Variants in CA5B observed in about 807,000 individuals in gnomAD.
CA5B encodes carbonic anhydrase 5B, mitochondrial.
A neutral mutation model predicts 23.1 loss-of-function variants in CA5B; 15 were observed. The ratio of observed to expected loss-of-function variants is 0.65; its 90% CI spans 0.43 to 1.00. The LOEUF is 1.00. Ranked by LOEUF, CA5B falls within the 50% of genes least tolerant of loss-of-function variation. CA5B has a pLI of 0.00. For synonymous variants in CA5B, 84 were observed against 98.5 expected (o/e 0.85, Z 0.87); for missense variants, 236 against 252.2 (o/e 0.94, Z 0.43).
At chrX:15,746,022 C>CT (rs11304971) in intron 1 of CA5B, among the ~76,000 whole-genome samples, 3,791 of 53,251 alleles carry the variant, frequency 0.071, 214 homozygotes, top group Non-Finnish European at 0.098. Context: ...GCGTCAACTT[C>CT]TTTTTTTTTT....
intron 7 of CA5B, among the ~76,000 whole-genome samples, chrX:15,778,119 T>C (rs1268587142): frequency 8.9e-6 from 1 of 111,778 alleles, no homozygotes; most frequent in Non-Finnish European, 1.9e-5. Flanking sequence ...CTATTTATAA[T>C]GGAAACAAAA....
intron 7 of CA5B, among the ~76,000 whole-genome samples, chrX:15,782,179 C>T (rs939180484): frequency 1.8e-5 from 2 of 111,897 alleles, no homozygotes; most frequent in African/African-American, 6.5e-5. Context: ...TGAATTAACT[C>T]ATCCTTGGTA....
At chrX:15,739,048 T>TG (rs995923917) in intron 1 of CA5B, among the ~76,000 whole-genome samples, 4 of 112,497 alleles carry the variant, frequency 3.6e-5, no homozygotes, top group Middle Eastern at 4.2e-3. Context: ...TCGTGATTCT[T>TG]GTGGCATTCA....
chrX:15,739,885 G>T (rs1218800330), intron 1 of CA5B, among the ~76,000 whole-genome samples: 1 of 111,791 alleles, frequency 8.9e-6, no homozygotes, highest in Non-Finnish European at 1.9e-5. Context: ...GTTGCCTTTT[G>T]AAATCAGGTG....
At chrX:15,772,192 A>G (rs988441945) in intron 3 of CA5B, among the ~76,000 whole-genome samples, 11 of 112,309 alleles carry the variant, frequency 9.8e-5, no homozygotes, top group African/African-American at 3.6e-4. Context: ...GCTGAGAGAA[A>G]TTTGCATTTT....
intron 2 of CA5B, among the ~76,000 whole-genome samples, chrX:15,752,497 G>A (rs901033252): frequency 3.6e-5 from 4 of 110,579 alleles, no homozygotes; most frequent in Non-Finnish European, 5.7e-5. Context: ...AGGCCGAGGC[G>A]GGCGGATCAC....
intron 7 of CA5B, among the ~76,000 whole-genome samples, chrX:15,778,507 A>G (rs1399457257): frequency 8.9e-6 from 1 of 112,036 alleles, no homozygotes; most frequent in Non-Finnish European, 1.9e-5. Flanking sequence ...GGATAAAGAG[A>G]TCAATCAAGG....
chrX:15,753,706 C>T (rs1427204630), intron 2 of CA5B, among the ~76,000 whole-genome samples: 1 of 112,002 alleles, frequency 8.9e-6, no homozygotes, highest in Admixed American at 9.4e-5. Flanking sequence ...GTCAGGAGTT[C>T]GAGATCAGCC....
At chrX:15,759,731 C>T (rs973000264) in intron 2 of CA5B, among the ~76,000 whole-genome samples, 3 of 83,913 alleles carry the variant, frequency 3.6e-5, no homozygotes, top group African/African-American at 1.5e-4. Context: ...AAATTACTGA[C>T]ACCTTTTTTT....
chrX:15,752,069 T>C (rs1159348221), intron 2 of CA5B, among the ~76,000 whole-genome samples: 5 of 111,755 alleles, frequency 4.5e-5, no homozygotes, highest in Non-Finnish European at 9.4e-5. Context: ...CCTCAAGAGG[T>C]CCTGAGAACA....
At chrX:15,756,283 G>A (rs1256615625) in intron 2 of CA5B, among the ~76,000 whole-genome samples, 1 of 112,344 alleles carries the variant, frequency 8.9e-6, no homozygotes, top group African/African-American at 3.2e-5. Context: ...GAGAGCCTTG[G>A]TATCAATTTG....
At chrX:15,742,949 C>T (rs1322973753) in intron 1 of CA5B, among the ~76,000 whole-genome samples, 1 of 112,364 alleles carries the variant, frequency 8.9e-6, no homozygotes, top group Non-Finnish European at 1.9e-5. Context: ...TCCCCCACAA[C>T]CAAGAGTCAT....
chrX:15,773,197 A>G (rs1209134146), intron 4 of CA5B, among the ~76,000 whole-genome samples: 1 of 111,180 alleles, frequency 9.0e-6, no homozygotes, highest in Non-Finnish European at 1.9e-5. Flanking sequence ...TCCTAATTCA[A>G]TTGTAAATGT....
At chrX:15,743,166 G>C (rs1465150674) in intron 1 of CA5B, among the ~76,000 whole-genome samples, 1 of 112,416 alleles carries the variant, frequency 8.9e-6, no homozygotes, top group Non-Finnish European at 1.9e-5. Flanking sequence ...CAGGATCTTT[G>C]CCCAGGCAGT....
chrX:15,776,208 G>A (rs756547369), intron 6 of CA5B: 163 of 132,294 alleles, frequency 1.2e-3, no homozygotes, highest in African/African-American at 4.0e-3. Context: ...GCATGGTGGC[G>A]GGCGCCTGTA....
At chrX:15,780,285 T>A (rs1931997913) in intron 7 of CA5B, among the ~76,000 whole-genome samples, 1 of 110,339 alleles carries the variant, frequency 9.1e-6, no homozygotes, top group Admixed American at 9.7e-5. Context: ...ACATTTTTTT[T>A]TTTTTTTAAG....
intron 3 of CA5B, 122 bp downstream of exon 3, chrX:15,764,897 T>C (rs1319361345): frequency 1.5e-5 from 16 of 1,081,475 alleles, no homozygotes; most frequent in Non-Finnish European, 2.0e-5. Flanking sequence ...ATGGAACTCA[T>C]TGATCTTAAC....
intron 6 of CA5B, 67 bp downstream of exon 6, chrX:15,775,375 A>G: frequency 8.9e-7 from 1 of 1,127,936 alleles, no homozygotes; most frequent in East Asian, 3.1e-5. Flanking sequence ...CGGAGACATT[A>G]CCAAGGCACT....
At chrX:15,771,058 G>A (rs1285546299) in intron 3 of CA5B, among the ~76,000 whole-genome samples, 4 of 106,641 alleles carry the variant, frequency 3.8e-5, no homozygotes, top group Non-Finnish European at 5.8e-5. Context: ...ATGAGCCACC[G>A]TGCCCGGCCA....
Sources: allele counts gnomAD v4.1 joint callset (sites outside exome capture counted in the v4.1 genomes callset), GRCh38; gene constraint gnomAD v4.1.1; transcripts MANE v1.5; gene names NCBI Gene and HGNC (gene_info 2026-07-23, HGNC 2026-07-21).